Variants in GPHN observed in about 807,000 individuals in gnomAD.
GPHN encodes the protein gephyrin.
Under a neutral mutation model 95.5 loss-of-function variants are expected in GPHN, and 17 were observed. The observed-to-expected ratio is 0.18, with a 90% CI of 0.12 to 0.27. GPHN has a LOEUF of 0.27. Ranked by LOEUF, GPHN falls within the 10% of genes least tolerant of loss-of-function variation. The pLI is 1.00. For synonymous variants in GPHN, 320 were observed against 322.5 expected, an observed-to-expected ratio of 0.99 and a Z score of 0.08; for missense variants, 660 against 978.1, an observed-to-expected ratio of 0.67 and a Z score of 4.34.
At chr14:66,639,161 G>A (rs117642067) in intron 1 of GPHN, among the ~76,000 whole-genome samples, 5,790 of 146,264 alleles carry the variant, frequency 0.04, 168 homozygotes, top group Middle Eastern at 0.067. Flanking sequence ...GAAGGAAACA[G>A]ATAATGTAGA....
the GPHN span, among the ~76,000 whole-genome samples, chr14:67,601,892 AG>A: frequency 6.6e-6 from 1 of 151,868 alleles, no homozygotes; most frequent in Non-Finnish European, 1.5e-5. Context: ...AAAAAAAAAA[AG>A]ATCCATGGCA....
chr14:67,440,234 ACTT>A, the GPHN span, among the ~76,000 whole-genome samples: 1 of 152,180 alleles, frequency 6.6e-6, no homozygotes, highest in African/African-American at 2.4e-5. Flanking sequence ...AGGAAGTCTG[ACTT>A]CTTTGAAGCT....
At chr14:67,662,146 ACT>A in the GPHN span, among the ~76,000 whole-genome samples, 1 of 151,396 alleles carries the variant, frequency 6.6e-6, no homozygotes, top group Admixed American at 6.6e-5. Context: ...ACAGAGCGAG[ACT>A]CTGTCTCAAA....
the GPHN span, among the ~76,000 whole-genome samples, chr14:67,684,105 T>C: frequency 6.6e-6 from 1 of 152,216 alleles, no homozygotes; most frequent in Non-Finnish European, 1.5e-5. Flanking sequence ...AGGTTAATTA[T>C]TCATTCATGA....
intron 5 of GPHN, among the ~76,000 whole-genome samples, chr14:66,897,095 A>G (rs544844736): frequency 2.0e-5 from 3 of 152,318 alleles, no homozygotes; most frequent in South Asian, 2.1e-4. Context: ...GGCATGCAGT[A>G]TAAGGAATGA....
chr14:66,569,827 T>TCCC (rs1331244655), intron 1 of GPHN, among the ~76,000 whole-genome samples: 78 of 152,116 alleles, frequency 5.1e-4, no homozygotes, highest in Non-Finnish European at 5.0e-4. Flanking sequence ...CTGTTAGCAA[T>TCCC]TTGAAGTGTA....
the GPHN span, among the ~76,000 whole-genome samples, chr14:67,643,125 C>T: frequency 6.6e-6 from 1 of 152,156 alleles, no homozygotes; most frequent in African/African-American, 2.4e-5. Flanking sequence ...TCTGCCTCCA[C>T]AATATGGACC....
chr14:67,306,703 T>C, the GPHN span, among the ~76,000 whole-genome samples: 2 of 152,162 alleles, frequency 1.3e-5, no homozygotes, highest in Admixed American at 6.5e-5. Context: ...TAACTCTCAA[T>C]TGCAATATAT....
intron 1 of GPHN, among the ~76,000 whole-genome samples, chr14:66,598,595 C>T (rs141441969): frequency 0.039 from 5,893 of 152,134 alleles, 171 homozygotes; most frequent in Middle Eastern, 0.065. Context: ...GCCTGCAATC[C>T]CAGCACTTTG....
chr14:66,744,125 C>A (rs9323480), intron 2 of GPHN, among the ~76,000 whole-genome samples: 51,985 of 152,074 alleles, frequency 0.34, 13,418 homozygotes, highest in African/African-American at 0.7. Flanking sequence ...AACTGTGTAT[C>A]TTCTGTAGCC....
chr14:67,208,572 A>G, the GPHN span: 1 of 1,044,514 alleles, frequency 9.6e-7, no homozygotes, highest in Non-Finnish European at 1.4e-6. Flanking sequence ...GATGTAGTGT[A>G]ACTGAATGAT....
At chr14:66,642,082 T>G (rs946702398) in intron 1 of GPHN, among the ~76,000 whole-genome samples, 5 of 151,940 alleles carry the variant, frequency 3.3e-5, no homozygotes, top group African/African-American at 4.8e-5. Flanking sequence ...CAGGAGAGAG[T>G]ATCCAGTGTG....
At chr14:67,517,994 G>T in the GPHN span, among the ~76,000 whole-genome samples, 1 of 152,106 alleles carries the variant, frequency 6.6e-6, no homozygotes, top group Non-Finnish European at 1.5e-5. Context: ...ACAGTAAGGG[G>T]CCCCCCTGGC....
chr14:67,470,005 G>A, the GPHN span, among the ~76,000 whole-genome samples: 156 of 152,292 alleles, frequency 1.0e-3, no homozygotes, highest in African/African-American at 3.6e-3. Flanking sequence ...GCCTGGGAGC[G>A]TGGCACCAAA....
rs767520764 is a variant in GPHN, at chr14:66,660,702, G to A, written c.65-20405G>A. 7.2e-5 allele frequency among the ~76,000 whole-genome samples: 11 copies of A among 152,146 alleles called. No individual in the cohort carries two copies. In the East Asian group the frequency reaches 1.3e-3, roughly 19 times the overall value. ...TCTTACAGAGAGGAACGAAAGGGACGAGTAAATGCAGCACCTTTAACTGAA... is the reference window on the plus strand; with the variant it reads ...TCTTACAGAGAGGAACGAAAGGGACAAGTAAATGCAGCACCTTTAACTGAA... On this transcript the variant is annotated intron_variant, in intron 1 of 22. Coordinates refer to ENST00000478722, the MANE Select transcript of GPHN (RefSeq NM_020806.5).
chr14:67,161,429 A>T (rs568112775), intron 19 of GPHN, among the ~76,000 whole-genome samples: 41 of 151,814 alleles, frequency 2.7e-4, no homozygotes, highest in Admixed American at 7.2e-4. Flanking sequence ...GATACAGAGG[A>T]TATCCCAAAA....
the GPHN span, among the ~76,000 whole-genome samples, chr14:67,272,840 G>T: frequency 6.6e-6 from 1 of 151,910 alleles, no homozygotes; most frequent in Non-Finnish European, 1.5e-5. Flanking sequence ...TAAATTTTTT[G>T]CATGTTTTTG....
the GPHN span, among the ~76,000 whole-genome samples, chr14:67,258,477 G>A: frequency 4.6e-5 from 7 of 152,144 alleles, no homozygotes; most frequent in African/African-American, 1.7e-4. Context: ...CTGGAGGGTC[G>A]TGGTGTGATC....
At chr14:66,772,005 A>G (rs2059195358) in intron 2 of GPHN, among the ~76,000 whole-genome samples, 1 of 152,032 alleles carries the variant, frequency 6.6e-6, no homozygotes, top group Admixed American at 6.6e-5. Context: ...AGAAATAACT[A>G]TTACAACTAC....
Sources: gnomAD v4.1 joint callset for allele counts (sites outside exome capture counted in the v4.1 genomes callset) on GRCh38, gnomAD v4.1.1 for gene constraint, MANE v1.5 for transcripts, NCBI Gene and HGNC (gene_info 2026-07-23, HGNC 2026-07-21) for gene names.